Variants in GJE1 observed in about 807,000 individuals in gnomAD.
GJE1 encodes gap junction protein epsilon 1.
In GJE1, 9 loss-of-function variants were observed where a neutral mutation model predicts 6.2. The observed-to-expected ratio is 1.45, with a 90% CI of 0.87 to 2.52. GJE1 has a LOEUF of 2.52. Ranked by LOEUF, GJE1 falls within the 30% of genes most tolerant of loss-of-function variation. GJE1 has a pLI of 0.00. For synonymous variants in GJE1, 65 were observed against 30.1 expected (o/e 2.16, Z -3.80); for missense variants, 190 against 87.7 (o/e 2.17, Z -4.66).
chr6:142,134,572 G>A (rs1778211992), exon 3 of GJE1: 3 of 601,694 alleles, frequency 5.0e-6, no homozygotes, highest in Non-Finnish European at 8.8e-6. Flanking sequence ...GGTTCCTGGA[G>A]CTCTTTTCCA....
intron 1 of GJE1, among the ~76,000 whole-genome samples, 188 bp from the exon 2 acceptor site, chr6:142,133,662 T>G (rs1438487529): frequency 6.6e-6 from 1 of 152,158 alleles, no homozygotes; most frequent in Non-Finnish European, 1.5e-5. Flanking sequence ...AACTATTGCT[T>G]TTCATATTTT....
In GJE1 at chr6:142,134,111, T is replaced by C. The variant is rs949745931; in HGVS notation, c.234+67T>C. 3 of 541,944 alleles carry C rather than the reference T, an allele frequency of 5.5e-6. No homozygotes were observed. The African/African-American group carries it at 5.6e-5, about 10-fold the overall frequency. 33.6% of individuals were successfully genotyped at this position (541,944 alleles called of 1,614,324 possible). A position where few individuals can be genotyped will look rare whatever the true frequency, so the allele number is the denominator to read the frequency against. On this transcript the variant is annotated intron_variant, in intron 2 of 2. Coordinates refer to ENST00000450456, the Ensembl canonical transcript of GJE1. The stretch of plus-strand genomic sequence containing the variant: ...CTTTAAATGTAAAATAATGTCATAA[T>C]ATGAGAAATACCCTAACAGGTTTTT...
chr6:142,133,919 G>C lies in GJE1; in HGVS notation c.109G>C (p.Gly37Arg), dbSNP rs377574229. Residue 37 changes from glycine to arginine, a missense_variant, in exon 2 of 3, where the codon GGG becomes CGG. Transcript: ENST00000450456. ...TGGATCGATCCGAATATTCTTCCTC[G>C]GGGTGCTAGGCTTTGCAGTTTATGG... The C allele has an allele frequency of 7.8e-4, 545 of 702,198 alleles. 3 individuals carry two copies. Among genetic ancestry groups the C allele is most frequent in the South Asian group, 7.7e-3 (519 of 67,556 alleles). 43.5% of individuals were successfully genotyped at this position (702,198 alleles called of 1,614,324 possible).
chr6:142,134,131 G>A (rs1330433292), intron 2 of GJE1, 87 bp downstream of exon 2: 1 of 502,918 alleles, frequency 2.0e-6, no homozygotes, highest in African/African-American at 1.9e-5. Flanking sequence ...ACCCTAACAG[G>A]TTTTTTGTTC....
exon 3 of GJE1, chr6:142,134,674 A>G (rs558101834): frequency 1.9e-5 from 13 of 696,196 alleles, no homozygotes; most frequent in South Asian, 3.0e-5. Context: ...TTTATTAAGA[A>G]TTAGTCTAGC....
exon 3 of GJE1, chr6:142,134,656 C>T (rs1346540207): frequency 1.7e-5 from 12 of 695,608 alleles, no homozygotes; most frequent in Non-Finnish European, 3.1e-5. Flanking sequence ...AATTTATATA[C>T]TCTCTGTTTT....
upstream of GJE1, chr6:142,132,973 T>C: frequency 4.8e-6 from 2 of 419,046 alleles, no homozygotes; most frequent in East Asian, 3.4e-5. Flanking sequence ...GGGACAGAGA[T>C]AGGAAGGTTG....
chr6:142,134,398 G>C, intron 2 of GJE1, 141 bp from the exon 3 acceptor site: 1 of 452,216 alleles, frequency 2.2e-6, no homozygotes, highest in South Asian at 6.1e-5. Flanking sequence ...ATTATATTAA[G>C]ACACATATAA....
chr6:142,134,010 A>G (rs1320402094), exon 2 of GJE1: 1 of 700,130 alleles, frequency 1.4e-6, no homozygotes, highest in Non-Finnish European at 2.6e-6. Context: ...TGTTACAATC[A>G]GTTCAGGCCA....
rs1778178146 is a variant in GJE1 at position 142,133,267 on chromosome 6, G to A, written c.39+70G>A. On this transcript the variant is annotated intron_variant, in intron 1 of 2. Coordinates refer to ENST00000450456, the Ensembl canonical transcript of GJE1. ...GAGTATTTTACCCTGAATTGCATAA[G>A]TCTTGGTGAATAAATTCTCTACATC... 14 of 554,988 alleles carry A rather than the reference G, an allele frequency of 2.5e-5. No individual in the cohort carries two copies. The South Asian group carries it at 3.4e-4, about 14-fold the overall frequency. 34.4% of individuals were successfully genotyped at this position (554,988 alleles called of 1,614,324 possible).
At chr6:142,133,784 T>C in intron 1 of GJE1, 66 bp from the exon 2 acceptor site, 1 of 548,274 alleles carries the variant, frequency 1.8e-6, no homozygotes, top group South Asian at 2.8e-5. Context: ...GATATAAGGA[T>C]TTTTTTAAAT....
chr6:142,134,069 C>G, intron 2 of GJE1, 25 bp downstream of exon 2: 1 of 592,588 alleles, frequency 1.7e-6, no homozygotes, highest in Non-Finnish European at 3.1e-6. Context: ...ATTAACTCTA[C>G]AACAAACTCA....
chr6:142,133,096 G>T, exon 1 of GJE1: 1 of 611,752 alleles, frequency 1.6e-6, no homozygotes, highest in South Asian at 1.9e-5. Flanking sequence ...TCTGGCAGAA[G>T]CAAACTGGCA....
chr6:142,134,779 A>G, exon 3 of GJE1: 1 of 692,790 alleles, frequency 1.4e-6, no homozygotes, highest in Non-Finnish European at 2.6e-6. Context: ...AAACATGATT[A>G]TAAGATGCAT....
chr6:142,134,231 A>G (rs961479151), intron 2 of GJE1, among the ~76,000 whole-genome samples, 187 bp downstream of exon 2: 5 of 152,108 alleles, frequency 3.3e-5, no homozygotes, highest in Admixed American at 2.6e-4. Context: ...GCATTTTATT[A>G]TCTACTAATG....
chr6:142,133,969 C>T (rs535406948), exon 2 of GJE1: 98 of 702,328 alleles, frequency 1.4e-4, no homozygotes, highest in South Asian at 1.3e-3. Context: ...ACTTCATTTG[C>T]GATCCAGACA....
exon 2 of GJE1, chr6:142,134,040 T>C: frequency 1.5e-6 from 1 of 678,402 alleles, no homozygotes; most frequent in South Asian, 1.6e-5. Flanking sequence ...CAAGTAAGTT[T>C]TTCTGTGTGC....
chr6:142,134,553 T>C (rs961426949), exon 3 of GJE1: 4 of 571,000 alleles, frequency 7.0e-6, no homozygotes, highest in Non-Finnish European at 1.2e-5. Flanking sequence ...TACAACTAGT[T>C]ATTGTCCTGG....
intron 1 of GJE1, 90 bp downstream of exon 1, chr6:142,133,287 T>A (rs1241101667): frequency 1.9e-6 from 1 of 527,810 alleles, no homozygotes; most frequent in African/African-American, 1.9e-5. Context: ...ATAAATTCTC[T>A]ACATCTATGG....
Sources: gnomAD v4.1 joint callset for allele counts (sites outside exome capture counted in the v4.1 genomes callset) on GRCh38, gnomAD v4.1.1 for gene constraint, MANE v1.5 for transcripts, NCBI Gene and HGNC (gene_info 2026-07-23, HGNC 2026-07-21) for gene names.